The following LRRTM3 variants were observed in gnomAD, a reference collection of about 807,000 sequenced individuals.
The protein encoded by LRRTM3 is leucine-rich repeat transmembrane neuronal protein 3.
LRRTM3 carries 24 observed loss-of-function variants against 44.7 expected under a neutral mutation model. The observed-to-expected ratio is 0.54, with a 90% CI of 0.39 to 0.76. LRRTM3 has a LOEUF of 0.76. LRRTM3 is among the 30% of genes least tolerant of loss of function. The probability of loss-of-function intolerance (pLI) is 0.00; values close to 1 mark genes in which losing one functional copy is unlikely to be tolerated. For synonymous variants in LRRTM3, 277 were observed against 278.7 expected (o/e 0.99, Z 0.06); for missense variants, 587 against 702.2 (o/e 0.84, Z 1.85).
chr10:67,096,581 T>C (rs1858007729), intron 2 of LRRTM3, among the ~76,000 whole-genome samples: 1 of 151,870 alleles, frequency 6.6e-6, no homozygotes, highest in Non-Finnish European at 1.5e-5. Context: ...GACTGAAGGT[T>C]CCTGAAATCT....
At chr10:67,072,591 G>A (rs931327601) in intron 2 of LRRTM3, among the ~76,000 whole-genome samples, 2 of 152,152 alleles carry the variant, frequency 1.3e-5, no homozygotes, top group African/African-American at 4.8e-5. Context: ...CTGGGTTGGG[G>A]CTAGATTGCA....
At chr10:66,931,402 A>G (rs1490648796) in intron 2 of LRRTM3, among the ~76,000 whole-genome samples, 1 of 152,218 alleles carries the variant, frequency 6.6e-6, no homozygotes, top group Non-Finnish European at 1.5e-5. Flanking sequence ...TACTTATGCA[A>G]GATATATTGC....
At chr10:67,012,428 A>G (rs1852397050) in intron 2 of LRRTM3, 1 of 152,206 alleles carries the variant, frequency 6.6e-6, no homozygotes, top group Non-Finnish European at 1.5e-5. Flanking sequence ...TTGATATAAT[A>G]TAAATTGTTA....
intron 2 of LRRTM3, among the ~76,000 whole-genome samples, chr10:66,972,817 TC>T (rs1316857312): frequency 6.6e-6 from 1 of 151,348 alleles, no homozygotes. Context: ...TTCAAGTGAT[TC>T]TTGTGCCTCA....
chr10:66,943,530 T>C lies in LRRTM3; in HGVS notation c.1536+15078T>C, dbSNP rs912973104. On this transcript the variant is annotated intron_variant, in intron 2 of 2. Transcript: ENST00000361320. ...CCAATTCCCCCACCCTTTTTTTTTT[T>C]TTCAGTATTAGCATTGGCTTCCAGT... Among the ~76,000 whole-genome samples, 8 of 151,972 alleles carry C rather than the reference T, an allele frequency of 5.3e-5. No homozygotes were observed. The East Asian group carries it at 1.5e-3, about 29-fold the overall frequency.
In LRRTM3 at chr10:66,927,605, G is replaced by A; in HGVS notation, c.689G>A (p.Ser230Asn). 6.2e-7 allele frequency: 1 copy of A among 1,614,168 alleles called. No individual in the cohort carries two copies. The highest frequency in any genetic ancestry group is 8.5e-7 in the Non-Finnish European group (1 of 1,180,040). Residue 230 changes from serine to asparagine, a missense_variant, in exon 2 of 3, where the codon AGC (serine) becomes AAC (asparagine). Around this residue, in one of 3 missense-constraint regions of LRRTM3, gnomAD observed 222 missense variants for 323.3 expected, o/e 0.69. Transcript: ENST00000361320. The surrounding 1 kb of genome is among the most constrained non-coding windows in gnomAD (Gnocchi z 4.7). The stretch of plus-strand genomic sequence containing the variant: ...CTGGCCCTTTTTCCAAGGTTGGTCA[G>A]CCTTCAGAACCTTTACTTGCAGTGG... ...LNLALFPRLV[S>N]LQNLYLQWNK...
intron 2 of LRRTM3, among the ~76,000 whole-genome samples, chr10:66,990,826 C>A (rs544780065): frequency 6.6e-6 from 1 of 152,228 alleles, no homozygotes; most frequent in South Asian, 2.1e-4. Flanking sequence ...ATATCCTATT[C>A]AAGGAAGTAA....
chr10:67,073,501 G>A (rs765762967), intron 2 of LRRTM3, among the ~76,000 whole-genome samples: 81 of 151,562 alleles, frequency 5.3e-4, no homozygotes, highest in Middle Eastern at 6.8e-3. Context: ...AAAAACTCTC[G>A]TTTGTCAACA....
At chr10:67,019,675 TC>T (rs1852872757) in intron 2 of LRRTM3, among the ~76,000 whole-genome samples, 1 of 152,222 alleles carries the variant, frequency 6.6e-6, no homozygotes, top group Admixed American at 6.5e-5. Flanking sequence ...AAGTCAGGAC[TC>T]CTGGAGGTCT....
At chr10:67,030,758 C>A (rs998400718) in intron 2 of LRRTM3, among the ~76,000 whole-genome samples, 3 of 152,114 alleles carry the variant, frequency 2.0e-5, no homozygotes, top group Non-Finnish European at 4.4e-5. Flanking sequence ...GTGATCCCAG[C>A]ACTTTGGGAG....
intron 2 of LRRTM3, among the ~76,000 whole-genome samples, chr10:66,944,198 A>G (rs193273940): frequency 2.2e-4 from 33 of 152,324 alleles, no homozygotes; most frequent in African/African-American, 7.9e-4. Flanking sequence ...TCATCAAATA[A>G]GTTTATAAGT....
chr10:66,981,646 T>C (rs2025072559), intron 2 of LRRTM3, among the ~76,000 whole-genome samples: 1 of 152,240 alleles, frequency 6.6e-6, no homozygotes, highest in South Asian at 2.1e-4. Context: ...ATTGCACATA[T>C]TGAATGGCAG....
intron 2 of LRRTM3, among the ~76,000 whole-genome samples, chr10:67,037,662 T>G (rs556319759): frequency 6.6e-6 from 1 of 152,152 alleles, no homozygotes; most frequent in Non-Finnish European, 1.5e-5. Flanking sequence ...AGGAACTAAG[T>G]AGAAAGTTAC....
In LRRTM3 at chr10:66,946,969, C is replaced by A. The variant is rs143836323; in HGVS notation, c.1536+18517C>A. Among the ~76,000 whole-genome samples the A allele has an allele frequency of 3.2e-3, 494 of 152,190 alleles. 1 individual carries two copies. Among genetic ancestry groups the A allele is most frequent in the Middle Eastern group, 6.8e-3 (2 of 294 alleles). ...TTAGAATATTTTGCATTTTTAAAAT[C>A]TATTCATGTACACAACCAGCTCCAA... is the stretch of plus-strand genomic sequence containing the variant. On this transcript the variant is annotated intron_variant, in intron 2 of 2. Transcript: ENST00000361320.
intron 2 of LRRTM3, among the ~76,000 whole-genome samples, chr10:66,939,744 A>G (rs1847897661): frequency 6.6e-6 from 1 of 152,194 alleles, no homozygotes; most frequent in Non-Finnish European, 1.5e-5. Context: ...AACATACGTG[A>G]TAAACAAATT....
intron 2 of LRRTM3, among the ~76,000 whole-genome samples, chr10:67,072,087 G>A (rs1183744492): frequency 6.6e-6 from 1 of 152,072 alleles, no homozygotes; most frequent in East Asian, 1.9e-4. Context: ...TGAGTAGCTG[G>A]GATTACAGAC....
At chr10:67,002,889 C>G (rs1275579300) in intron 2 of LRRTM3, among the ~76,000 whole-genome samples, 2 of 152,092 alleles carry the variant, frequency 1.3e-5, no homozygotes, top group Admixed American at 1.3e-4. Flanking sequence ...AGGATAAAAA[C>G]TTAGTATCAT....
intron 2 of LRRTM3, among the ~76,000 whole-genome samples, chr10:67,074,532 A>G (rs1856647490): frequency 6.6e-6 from 1 of 150,602 alleles, no homozygotes; most frequent in Admixed American, 6.6e-5. Context: ...CTGTATTTTT[A>G]GTAGAGATGG....
chr10:66,931,540 G>GCAGCAGTGA (rs1366840286), intron 2 of LRRTM3, among the ~76,000 whole-genome samples: 2 of 152,178 alleles, frequency 1.3e-5, no homozygotes, highest in Non-Finnish European at 2.9e-5. Context: ...TTTCTATGGA[G>GCAGCAGTGA]CAGCAGTGAC....
Sources: allele counts gnomAD v4.1 joint callset (sites outside exome capture counted in the v4.1 genomes callset), GRCh38; gene constraint gnomAD v4.1.1; regional missense constraint gnomAD v4.1.1; non-coding constraint Gnocchi (gnomAD v3.1); transcripts MANE v1.5; gene names NCBI Gene and HGNC (gene_info 2026-07-23, HGNC 2026-07-21).